Variants in DAB1 observed in about 807,000 individuals in gnomAD.
DAB1 encodes the protein disabled homolog 1.
A neutral mutation model predicts 64.6 loss-of-function variants in DAB1; 15 were observed. The observed-to-expected ratio is 0.23, with a 90% CI of 0.16 to 0.36. The LOEUF (loss-of-function observed/expected upper bound fraction) is 0.36, where lower values mean the gene tolerates loss of function less well. Among genes scored for constraint, DAB1 ranks in the 10% least tolerant of loss-of-function variants. The pLI, the probability that DAB1 is intolerant of heterozygous loss-of-function variation, is 1.00. For synonymous variants in DAB1, 235 were observed against 251.9 expected (o/e 0.93, Z 0.64); for missense variants, 596 against 706.7 (o/e 0.84, Z 1.78).
chr1:57,880,099 C>T (rs1644119525), intron 1 of DAB1: 1 of 151,962 alleles, frequency 6.6e-6, no homozygotes, highest in African/African-American at 2.4e-5. Context: ...CTGTTTCCCC[C>T]TCCCCCCTAC....
intron 3 of DAB1, among the ~76,000 whole-genome samples, chr1:58,392,345 T>C (rs980480395): frequency 6.6e-6 from 1 of 152,208 alleles, no homozygotes; most frequent in Non-Finnish European, 1.5e-5. Context: ...ATTTCTCTTT[T>C]GGTCTATCCT....
intron 5 of DAB1, among the ~76,000 whole-genome samples, chr1:57,911,468 C>T (rs909037577): frequency 5.9e-5 from 9 of 152,178 alleles, no homozygotes; most frequent in Non-Finnish European, 1.2e-4. Context: ...GCTAGACCTC[C>T]AGCATCATTT....
At chr1:58,523,216 C>T (rs1646294557) in intron 2 of DAB1, among the ~76,000 whole-genome samples, 1 of 152,206 alleles carries the variant, frequency 6.6e-6, no homozygotes, top group South Asian at 2.1e-4. Context: ...AAACCCTTCA[C>T]TCCCCACCTT....
At chr1:58,296,537 A>C (rs575178095) in intron 4 of DAB1, among the ~76,000 whole-genome samples, 1 of 152,302 alleles carries the variant, frequency 6.6e-6, no homozygotes, top group South Asian at 2.1e-4. Flanking sequence ...ATCCTGCTGG[A>C]GGCTCATGCA....
chr1:58,096,840 T>C (rs1396856781), intron 5 of DAB1, among the ~76,000 whole-genome samples: 2 of 152,356 alleles, frequency 1.3e-5, no homozygotes, highest in African/African-American at 2.4e-5. Flanking sequence ...TCCCTCTCCA[T>C]AGGACCCAGC....
At chr1:57,554,642 T>C (rs1644965600) in intron 7 of DAB1, among the ~76,000 whole-genome samples, 1 of 152,232 alleles carries the variant, frequency 6.6e-6, no homozygotes, top group Non-Finnish European at 1.5e-5. Flanking sequence ...AACAAAACTG[T>C]TTTCTTAAAT....
chr1:57,247,866 C>T (rs1558019436), intron 2 of DAB1, among the ~76,000 whole-genome samples: 1 of 152,208 alleles, frequency 6.6e-6, no homozygotes, highest in Non-Finnish European at 1.5e-5. Context: ...TTGGAAGCTA[C>T]TTGTAGAAAA....
At chr1:57,602,447 T>G (rs7528953) in intron 7 of DAB1, among the ~76,000 whole-genome samples, 104,001 of 152,010 alleles carry the variant, frequency 0.68, 38,698 homozygotes, top group Non-Finnish European at 0.82. Context: ...CTCCTAGGTG[T>G]TGAGCTTCCT....
chr1:58,519,592 T>C (rs915522931), intron 2 of DAB1, among the ~76,000 whole-genome samples: 42 of 152,076 alleles, frequency 2.8e-4, no homozygotes, highest in African/African-American at 9.4e-4. Flanking sequence ...AAAAAATATA[T>C]CATTCAGAGC....
chr1:58,440,989 C>T (rs1347010057), intron 3 of DAB1, among the ~76,000 whole-genome samples: 2 of 152,184 alleles, frequency 1.3e-5, no homozygotes, highest in Non-Finnish European at 2.9e-5. Flanking sequence ...GTGCAAAACA[C>T]GTGCCTTGGA....
intron 2 of DAB1, among the ~76,000 whole-genome samples, chr1:57,227,107 CAA>C (rs1290488150): frequency 6.6e-6 from 1 of 152,046 alleles, no homozygotes; most frequent in Non-Finnish European, 1.5e-5. Flanking sequence ...CCCAGGAGGT[CAA>C]GTCTGCAGTG....
At chr1:57,231,043 A>G (rs1667638540) in intron 2 of DAB1, among the ~76,000 whole-genome samples, 2 of 152,186 alleles carry the variant, frequency 1.3e-5, no homozygotes, top group South Asian at 4.1e-4. Context: ...AATGTTAGAT[A>G]TTATTACCAT....
intron 7 of DAB1, among the ~76,000 whole-genome samples, chr1:57,481,531 C>T (rs796255540): frequency 2.9e-4 from 44 of 152,144 alleles, no homozygotes; most frequent in African/African-American, 5.8e-4. Context: ...ACGATGATGA[C>T]GATGATGATG....
chr1:57,770,278 G>A (rs1160111270), intron 6 of DAB1, among the ~76,000 whole-genome samples: 3 of 151,926 alleles, frequency 2.0e-5, no homozygotes, highest in East Asian at 1.9e-4. Context: ...TTTTCTTATC[G>A]ATTGATTGAT....
intron 7 of DAB1, among the ~76,000 whole-genome samples, chr1:57,448,264 G>C (rs1686223886): frequency 6.6e-6 from 1 of 152,218 alleles, no homozygotes; most frequent in Admixed American, 6.5e-5. Flanking sequence ...CATATGTGAA[G>C]TATTATAAGT....
rs549085706 is a variant in DAB1 at position 57,607,711 on chromosome 1, A to G, written n.625+41881T>C. The stretch of plus-strand genomic sequence containing the variant: ...GAATTTAGTTGCATCACACACATTT[A>G]TTTCCTCTTTCTCCCATGATGTCAT... On this transcript the variant is annotated intron_variant and non_coding_transcript_variant, in intron 7 of 20. Coordinates refer to the DAB1 transcript ENST00000485760. Among the ~76,000 whole-genome samples, 4 of 152,306 alleles carry G rather than the reference A, an allele frequency of 2.6e-5. No individual in the cohort carries two copies. The East Asian group carries it at 7.7e-4, about 29-fold the overall frequency.
At chr1:58,480,993 T>A (rs1215049861) in intron 3 of DAB1, 1 of 870,642 alleles carries the variant, frequency 1.1e-6, no homozygotes, top group South Asian at 1.3e-5. Flanking sequence ...CTCAACTATG[T>A]ATGTTAATGG....
chr1:58,245,730 A>C (rs1222027175), intron 4 of DAB1, among the ~76,000 whole-genome samples: 1 of 152,206 alleles, frequency 6.6e-6, no homozygotes, highest in Admixed American at 6.5e-5. Flanking sequence ...ACATCGGGCT[A>C]CTGTGAAGAT....
chr1:57,833,829 C>T (rs1652694772), intron 1 of DAB1, among the ~76,000 whole-genome samples: 1 of 152,290 alleles, frequency 6.6e-6, no homozygotes, highest in Admixed American at 6.5e-5. Context: ...GAAAGAAACT[C>T]ATTTTGTTCA....
Sources: gnomAD v4.1 joint callset for allele counts (sites outside exome capture counted in the v4.1 genomes callset) on GRCh38, gnomAD v4.1.1 for gene constraint, MANE v1.5 for transcripts, NCBI Gene and HGNC (gene_info 2026-07-23, HGNC 2026-07-21) for gene names.